FBXO32: variants seen among roughly 807,000 people sequenced by gnomAD.
The protein encoded by FBXO32 is F-box protein 32.
Under a neutral mutation model 48.3 loss-of-function variants are expected in FBXO32, and 15 were observed. The observed-to-expected ratio is 0.31, with a 90% CI of 0.21 to 0.48. The LOEUF is 0.48. FBXO32 is among the 20% of genes least tolerant of loss of function. The pLI is 0.99. For synonymous variants in FBXO32, 154 were observed against 165.9 expected (o/e 0.93, Z 0.55); for missense variants, 309 against 432.7 (o/e 0.71, Z 2.54).
rs1021498635 is a variant in FBXO32, at chr8:123,502,032, C to T, written c.*1341G>A. The T allele has an allele frequency of 1.3e-5, 2 of 152,094 alleles. No individual in the cohort carries two copies. The highest frequency in any genetic ancestry group is 2.4e-5 in the African/African-American group (1 of 41,428). 9.4% of individuals were successfully genotyped at this position (152,094 alleles called of 1,614,324 possible). A position where few individuals can be genotyped will look rare whatever the true frequency, so the allele number is the denominator to read the frequency against. On this transcript the variant is annotated 3_prime_UTR_variant, in exon 9 of 9. Coordinates refer to ENST00000517956, the MANE Select transcript of FBXO32 (RefSeq NM_058229.4). ...GCTGATATTTGCCTCGTAAGATCCC[C>T]TTGGGATCTTCCTGTTTTAACTACC...
intron 4 of FBXO32, among the ~76,000 whole-genome samples, chr8:123,524,941 C>G (rs1426976946): frequency 1.3e-5 from 2 of 152,256 alleles, no homozygotes; most frequent in East Asian, 3.9e-4. Flanking sequence ...AGGCCACCCT[C>G]CATCAGAGGA....
At chr8:123,536,973 T>C (rs903968500) in intron 1 of FBXO32, among the ~76,000 whole-genome samples, 4 of 152,208 alleles carry the variant, frequency 2.6e-5, no homozygotes, top group African/African-American at 9.6e-5. Flanking sequence ...CCGTAGAATG[T>C]AGAAAAGTTT....
At chr8:123,537,365 A>G (rs2130563288) in intron 1 of FBXO32, among the ~76,000 whole-genome samples, 1 of 152,292 alleles carries the variant, frequency 6.6e-6, no homozygotes, top group South Asian at 2.1e-4. Flanking sequence ...GCACAGGCCT[A>G]GAATAAGAAA....
chr8:123,498,738 T>C lies in FBXO32; in HGVS notation c.*4635A>G, dbSNP rs961872913. 2.0e-5 allele frequency: 3 copies of C among 152,192 alleles called. No homozygotes were observed. The highest frequency in any genetic ancestry group is 7.2e-5 in the African/African-American group (3 of 41,452). The allele number at this position is 152,192 out of a possible 1,614,324, so 9.4% of individuals were successfully genotyped here. ...AGCCACTGCCCAGCCCTTCTGTCTT[T>C]TTTTATAACGGCCATTTTTGTAATA... On this transcript the variant is annotated 3_prime_UTR_variant, in exon 9 of 9. Coordinates refer to ENST00000517956, the MANE Select transcript of FBXO32 (RefSeq NM_058229.4).
chr8:123,526,706 C>T (rs1312016873), intron 4 of FBXO32, among the ~76,000 whole-genome samples: 1 of 152,188 alleles, frequency 6.6e-6, no homozygotes, highest in African/African-American at 2.4e-5. Flanking sequence ...AATATCCTGC[C>T]CACAGTGATG....
chr8:123,505,501 C>T (rs1816597622), intron 7 of FBXO32, among the ~76,000 whole-genome samples: 1 of 152,162 alleles, frequency 6.6e-6, no homozygotes, highest in African/African-American at 2.4e-5. Flanking sequence ...TTTGGGAGGC[C>T]GAGGCAGGCG....
intron 2 of FBXO32, among the ~76,000 whole-genome samples, 192 bp from the exon 3 acceptor site, chr8:123,533,432 A>G (rs1281166833): frequency 6.6e-6 from 1 of 152,178 alleles, no homozygotes; most frequent in Non-Finnish European, 1.5e-5. Context: ...GCTTTGTCTG[A>G]AGCACTCTAA....
At chr8:123,530,916 C>T (rs867638507) in intron 4 of FBXO32, among the ~76,000 whole-genome samples, 1,435 of 136,800 alleles carry the variant, frequency 0.01, 31 homozygotes, top group African/African-American at 0.036. Flanking sequence ...TGCACCCAGC[C>T]TTTTTTTTTT....
At chr8:123,539,898 T>A (rs1817377720) in intron 1 of FBXO32, among the ~76,000 whole-genome samples, 1 of 152,200 alleles carries the variant, frequency 6.6e-6, no homozygotes, top group Admixed American at 6.5e-5. Context: ...CAGTCCATTC[T>A]GGAATCACTT....
chr8:123,501,181 A>T lies in FBXO32; in HGVS notation c.*2192T>A, dbSNP rs1816475643. 1 of 152,224 alleles carries T rather than the reference A, an allele frequency of 6.6e-6. No individual in the cohort carries two copies. The highest frequency in any genetic ancestry group is 1.5e-5 in the Non-Finnish European group (1 of 68,042). 9.4% of individuals were successfully genotyped at this position (152,224 alleles called of 1,614,324 possible). On this transcript the variant is annotated 3_prime_UTR_variant, in exon 9 of 9. Transcript: ENST00000517956. ...AGGCCATGAACCCCTAAATCTAAAA[A>T]TGTCACTAAGAGTCAAAAGTTCCAG...
chr8:123,504,770 G>T lies in FBXO32; in HGVS notation c.835-23C>A. ...GATCTAAAAAATCAAATGAATAAAG[G>T]AAATGACAGGAGAGTTTGTCAAGAA... is the stretch of plus-strand genomic sequence containing the variant. On this transcript the variant is annotated intron_variant, in intron 7 of 8. Coordinates refer to ENST00000517956, the MANE Select transcript of FBXO32 (RefSeq NM_058229.4). The T allele has an allele frequency of 3.1e-6, 5 of 1,608,564 alleles. No homozygotes were observed. In the South Asian group the frequency reaches 4.4e-5, roughly 14 times the overall value.
intron 4 of FBXO32, among the ~76,000 whole-genome samples, chr8:123,516,760 A>AGG (rs1008705417): frequency 7.2e-5 from 11 of 152,118 alleles, no homozygotes; most frequent in South Asian, 2.1e-4. Context: ...TTCCACATGC[A>AGG]GGGAGAGATG....
chr8:123,507,567 C>G (rs575145002), intron 6 of FBXO32, among the ~76,000 whole-genome samples: 1 of 151,718 alleles, frequency 6.6e-6, no homozygotes, highest in Non-Finnish European at 1.5e-5. Context: ...CCGAGGCCTC[C>G]GTGGAGCATT....
chr8:123,534,049 T>C (rs2130558385), intron 2 of FBXO32, among the ~76,000 whole-genome samples: 1 of 150,016 alleles, frequency 6.7e-6, no homozygotes, highest in Non-Finnish European at 1.5e-5. Context: ...GCTAAGATCA[T>C]GCCACTGACT....
chr8:123,508,223 A>G (rs1816667314), intron 6 of FBXO32, among the ~76,000 whole-genome samples: 1 of 152,170 alleles, frequency 6.6e-6, no homozygotes, highest in South Asian at 2.1e-4. Context: ...CCAAATTTTT[A>G]CAGGAGCCAA....
chr8:123,532,170 GGTAACACAGCCAGCAGCTGC>G lies in FBXO32; in HGVS notation c.280-200_280-181del, dbSNP rs1465391482. On this transcript the variant is annotated intron_variant, in intron 3 of 8. Coordinates refer to ENST00000517956, the MANE Select transcript of FBXO32 (RefSeq NM_058229.4). ...CAAGCCCTTGAGAGCCACCAAGATGGGTAACACAGCCAGCAGCTGCCTCAGTCAGCCCCTCACATGTCAAA... is the reference window on the plus strand; with the variant it reads ...CAAGCCCTTGAGAGCCACCAAGATGGCTCAGTCAGCCCCTCACATGTCAAA... 1.2e-5 allele frequency: 17 copies of G among 1,372,088 alleles called. No individual in the cohort carries two copies. In the East Asian group the frequency reaches 2.1e-4, roughly 17 times the overall value. 85.0% of individuals were successfully genotyped at this position (1,372,088 alleles called of 1,614,324 possible).
chr8:123,525,607 C>T lies in FBXO32; in HGVS notation c.372+6291G>A, dbSNP rs58702193. On this transcript the variant is annotated intron_variant, in intron 4 of 8. Coordinates refer to ENST00000517956, the MANE Select transcript of FBXO32 (RefSeq NM_058229.4). The surrounding 1 kb of genome is among the most constrained non-coding windows in gnomAD (Gnocchi z 4.3). ...CATTTTGCCCTCTAAGCAATGCAGTCGAAAGGAGAGAACACTGGAGCAGGA... is the reference window on the plus strand; with the variant it reads ...CATTTTGCCCTCTAAGCAATGCAGTTGAAAGGAGAGAACACTGGAGCAGGA... Among the ~76,000 whole-genome samples, 1 of 152,292 alleles carries T rather than the reference C, an allele frequency of 6.6e-6. No homozygotes were observed. Among genetic ancestry groups the T allele is most frequent in the East Asian group, 1.9e-4 (1 of 5,184 alleles).
intron 6 of FBXO32, among the ~76,000 whole-genome samples, chr8:123,507,438 G>GGGGGTGTGTGTGTGT (rs371377453): frequency 7.2e-6 from 1 of 139,802 alleles, no homozygotes; most frequent in Non-Finnish European, 1.5e-5. Flanking sequence ...TCTGTGCTAG[G>GGGGGTGTGTGTGTGT]GTGTGTGTGT....
rs1816450198 is a variant in FBXO32, at chr8:123,500,094, T to TAACA, written c.*3275_*3278dup. 6.6e-6 allele frequency: 1 copy of TAACA among 152,246 alleles called. No homozygotes were observed. The allele number at this position is 152,246 out of a possible 1,614,324, so 9.4% of individuals were successfully genotyped here. On this transcript the variant is annotated 3_prime_UTR_variant, in exon 9 of 9. Transcript: ENST00000517956. ...ATTCAACTGATTTGTCTGCTCAAAG[T>TAACA]AACAGCATTGAGTGATAATGCAATC...
Sources: gnomAD v4.1 joint callset for allele counts (sites outside exome capture counted in the v4.1 genomes callset) on GRCh38, gnomAD v4.1.1 for gene constraint, Gnocchi (gnomAD v3.1) non-coding constraint, MANE v1.5 for transcripts, NCBI Gene and HGNC (gene_info 2026-07-23, HGNC 2026-07-21) for gene names.